The following PTPRM variants were observed in gnomAD, a reference collection of about 807,000 sequenced individuals.
PTPRM encodes the protein receptor-type tyrosine-protein phosphatase mu.
In PTPRM, 47 loss-of-function variants were observed where a neutral mutation model predicts 186.7. The observed-to-expected ratio is 0.25, with a 90% CI of 0.20 to 0.32. The LOEUF is 0.32. Among genes scored for constraint, PTPRM ranks in the 10% least tolerant of loss-of-function variants. PTPRM has a pLI of 1.00. For synonymous variants in PTPRM, 668 were observed against 674.9 expected (o/e 0.99, Z 0.16); for missense variants, 1,494 against 1,865.0 (o/e 0.80, Z 3.66).
intron 7 of PTPRM, among the ~76,000 whole-genome samples, chr18:8,055,582 G>A (rs190220277): frequency 1.8e-4 from 28 of 152,064 alleles, no homozygotes; most frequent in African/African-American, 4.8e-4. Context: ...GAAGTGGCAC[G>A]CAAATTTTAT....
At chr18:8,135,499 G>A (rs2092617404) in intron 13 of PTPRM, among the ~76,000 whole-genome samples, 2 of 152,016 alleles carry the variant, frequency 1.3e-5, no homozygotes, top group South Asian at 4.1e-4. Flanking sequence ...CAGAATCCAC[G>A]GGGAACCCAG....
chr18:7,642,620 C>A (rs146863870), intron 1 of PTPRM, among the ~76,000 whole-genome samples: 60 of 151,986 alleles, frequency 3.9e-4, no homozygotes, highest in African/African-American at 1.4e-3. Flanking sequence ...TTTTTATTTT[C>A]TTTTTGTTAT....
chr18:8,402,393 A>G (rs888008660), intron 32 of PTPRM, among the ~76,000 whole-genome samples: 9 of 152,208 alleles, frequency 5.9e-5, no homozygotes, highest in African/African-American at 9.6e-5. Flanking sequence ...GTGACTTCCA[A>G]GCAGCAGCTC....
At chr18:7,688,686 T>G (rs993184731) in intron 1 of PTPRM, among the ~76,000 whole-genome samples, 1 of 152,178 alleles carries the variant, frequency 6.6e-6, no homozygotes. Context: ...TGCTGTAAGG[T>G]GACACCTGTT....
intron 1 of PTPRM, among the ~76,000 whole-genome samples, chr18:7,575,320 A>G (rs1414929314): frequency 6.6e-6 from 1 of 151,568 alleles, no homozygotes; most frequent in African/African-American, 2.4e-5. Flanking sequence ...GCGTCCCTTA[A>G]CCCCCCTGCC....
At chr18:7,579,316 A>T (rs141157383) in intron 1 of PTPRM, among the ~76,000 whole-genome samples, 12 of 152,186 alleles carry the variant, frequency 7.9e-5, no homozygotes, top group African/African-American at 2.7e-4. Flanking sequence ...GAAATACCTC[A>T]TATGATTTTG....
In PTPRM at chr18:8,363,151, G is replaced by A. The variant is rs979551261; in HGVS notation, c.3055-7739G>A. Among the ~76,000 whole-genome samples, 20 of 152,324 alleles carry A rather than the reference G, an allele frequency of 1.3e-4. No homozygotes were observed. The East Asian group carries it at 1.7e-3, about 13-fold the overall frequency. ...AGCTAAGCACAGGATTTCCCTCATT[G>A]CAGCCACAGTGTTGGTCCCTTAGGT... On this transcript the variant is annotated intron_variant, in intron 23 of 32. Coordinates refer to ENST00000580170, the MANE Select transcript of PTPRM (RefSeq NM_001105244.2).
At chr18:7,643,902 A>T (rs2038502043) in intron 1 of PTPRM, among the ~76,000 whole-genome samples, 1 of 152,324 alleles carries the variant, frequency 6.6e-6, no homozygotes, top group Non-Finnish European at 1.5e-5. Context: ...ACATTCTATT[A>T]TGAAAACAAT....
At chr18:7,630,954 T>C (rs2038176622) in intron 1 of PTPRM, among the ~76,000 whole-genome samples, 1 of 152,196 alleles carries the variant, frequency 6.6e-6, no homozygotes, top group Admixed American at 6.5e-5. Flanking sequence ...GGTTGGCTTA[T>C]GTGCCATGTG....
At chr18:8,022,707 A>C in intron 7 of PTPRM, among the ~76,000 whole-genome samples, 1 of 152,112 alleles carries the variant, frequency 6.6e-6, no homozygotes, top group East Asian at 1.9e-4. Flanking sequence ...TCCAAGGTGC[A>C]CATGTTCCCT....
chr18:7,858,756 T>G (rs2047208347), intron 2 of PTPRM, among the ~76,000 whole-genome samples: 1 of 152,236 alleles, frequency 6.6e-6, no homozygotes, highest in Non-Finnish European at 1.5e-5. Context: ...CACACTATCC[T>G]TGTAGGCTAT....
intron 7 of PTPRM, among the ~76,000 whole-genome samples, chr18:7,960,856 A>G (rs1401373334): frequency 6.6e-6 from 1 of 152,172 alleles, no homozygotes; most frequent in Non-Finnish European, 1.5e-5. Flanking sequence ...AAGAAGGGAT[A>G]GAGAATAGAG....
chr18:7,579,449 T>C (rs933388720), intron 1 of PTPRM, among the ~76,000 whole-genome samples: 15 of 152,260 alleles, frequency 9.9e-5, no homozygotes, highest in African/African-American at 3.4e-4. Flanking sequence ...GGATTACTAT[T>C]AATACATGAA....
At chr18:8,358,134 C>A (rs1051432514) in intron 23 of PTPRM, among the ~76,000 whole-genome samples, 1 of 150,336 alleles carries the variant, frequency 6.7e-6, no homozygotes, top group East Asian at 1.9e-4. Context: ...TAGCTATTCC[C>A]CCCCCCACAC....
intron 3 of PTPRM, among the ~76,000 whole-genome samples, chr18:7,904,881 A>G (rs2049894208): frequency 6.6e-6 from 1 of 152,212 alleles, no homozygotes; most frequent in Non-Finnish European, 1.5e-5. Context: ...TCAAAATAAC[A>G]TTCATGTGGA....
At chr18:8,239,416 G>A (rs1163730162) in intron 14 of PTPRM, among the ~76,000 whole-genome samples, 2 of 152,016 alleles carry the variant, frequency 1.3e-5, no homozygotes, top group Admixed American at 6.6e-5. Context: ...GGCCTGAGGG[G>A]ATTTGTCTCA....
intron 14 of PTPRM, among the ~76,000 whole-genome samples, chr18:8,194,011 C>T (rs1431926805): frequency 1.3e-5 from 2 of 152,212 alleles, no homozygotes; most frequent in Non-Finnish European, 2.9e-5. Flanking sequence ...TCGTGACACT[C>T]TGTAATGTCA....
At chr18:8,114,867 C>A in intron 13 of PTPRM, 40 bp downstream of exon 13, 1 of 1,556,702 alleles carries the variant, frequency 6.4e-7, no homozygotes, top group Non-Finnish European at 8.8e-7. Context: ...ATTAATGTTC[C>A]TTAAAAGTTT....
At chr18:8,195,441 A>C (rs2093764438) in intron 14 of PTPRM, among the ~76,000 whole-genome samples, 1 of 152,210 alleles carries the variant, frequency 6.6e-6, no homozygotes, top group Non-Finnish European at 1.5e-5. Context: ...TTATCTACCC[A>C]AAGGAAAAGA....
Sources: gnomAD v4.1 joint callset for allele counts (sites outside exome capture counted in the v4.1 genomes callset) on GRCh38, gnomAD v4.1.1 for gene constraint, MANE v1.5 for transcripts, NCBI Gene and HGNC (gene_info 2026-07-23, HGNC 2026-07-21) for gene names.